ZNF385C: variants seen among roughly 807,000 people sequenced by gnomAD.
ZNF385C encodes the protein zinc finger protein 385C.
ZNF385C carries 28 observed loss-of-function variants against 35.4 expected under a neutral mutation model. The ratio of observed to expected loss-of-function variants is 0.79; its 90% CI spans 0.59 to 1.08. ZNF385C has a LOEUF of 1.08. ZNF385C is among the 50% of genes least tolerant of loss of function. The pLI is 0.00. For synonymous variants in ZNF385C, 248 were observed against 248.2 expected, an observed-to-expected ratio of 1.00 and a Z score of 0.01; for missense variants, 605 against 595.6, an observed-to-expected ratio of 1.02 and a Z score of -0.16.
chr17:42,029,731 CAAAAA>C (rs1301438790), intron 5 of ZNF385C, among the ~76,000 whole-genome samples: 3 of 150,018 alleles, frequency 2.0e-5, no homozygotes, highest in African/African-American at 7.4e-5. Context: ...AACAAACAAA[CAAAAA>C]AAACACAGTG....
intron 1 of ZNF385C, among the ~76,000 whole-genome samples, chr17:42,082,305 T>G (rs532757032): frequency 3.9e-5 from 6 of 152,358 alleles, no homozygotes; most frequent in African/African-American, 1.4e-4. Flanking sequence ...TCCAAAGTGC[T>G]GGGATTACAG....
chr17:42,028,673 G>A (rs1009792206), intron 6 of ZNF385C, 110 bp downstream of exon 6: 18 of 1,343,602 alleles, frequency 1.3e-5, no homozygotes, highest in Middle Eastern at 2.5e-4. Flanking sequence ...CAAAGCCTCC[G>A]CCATCCAACC....
chr17:42,035,908 G>A (rs2052845927), intron 3 of ZNF385C, among the ~76,000 whole-genome samples: 1 of 152,192 alleles, frequency 6.6e-6, no homozygotes, highest in South Asian at 2.1e-4. Context: ...TGGGGGGCCA[G>A]TAGGGGGCAG....
chr17:42,072,542 A>C (rs2053639745), intron 1 of ZNF385C, among the ~76,000 whole-genome samples: 1 of 152,008 alleles, frequency 6.6e-6, no homozygotes, highest in Non-Finnish European at 1.5e-5. Flanking sequence ...TGCGGGCCCG[A>C]GTCCGGCGCC....
chr17:42,096,365 T>C (rs1446931633), intron 1 of ZNF385C, among the ~76,000 whole-genome samples: 1 of 152,180 alleles, frequency 6.6e-6, no homozygotes, highest in Non-Finnish European at 1.5e-5. Context: ...TGGAGGGGAC[T>C]CACAGTCTCA....
chr17:42,041,608 T>C (rs777459667), intron 2 of ZNF385C, among the ~76,000 whole-genome samples: 2 of 152,190 alleles, frequency 1.3e-5, no homozygotes, highest in Non-Finnish European at 2.9e-5. Flanking sequence ...TGTTTTTCTA[T>C]AGCATCATCC....
At chr17:42,043,434 C>T in intron 2 of ZNF385C, 1 of 1,219,900 alleles carries the variant, frequency 8.2e-7, no homozygotes, top group Non-Finnish European at 1.0e-6. Flanking sequence ...GCCCCCCTGC[C>T]TCCCCCACAC....
intron 1 of ZNF385C, among the ~76,000 whole-genome samples, chr17:42,079,219 C>CACAT (rs2053720780): frequency 8.0e-6 from 1 of 125,198 alleles, no homozygotes; most frequent in Non-Finnish European, 1.6e-5. Flanking sequence ...TATATATATA[C>CACAT]ATATATATAT....
intron 1 of ZNF385C, among the ~76,000 whole-genome samples, chr17:42,084,429 C>G (rs1462799357): frequency 6.6e-6 from 1 of 151,928 alleles, no homozygotes; most frequent in Non-Finnish European, 1.5e-5. Flanking sequence ...ACATCTTTGG[C>G]AGGTTTCTCC....
chr17:42,052,001 C>T (rs1308030679), intron 2 of ZNF385C, among the ~76,000 whole-genome samples: 2 of 152,194 alleles, frequency 1.3e-5, no homozygotes, highest in Admixed American at 6.5e-5. Context: ...CCCCGAGTGG[C>T]ACCACACAGC....
chr17:42,029,006 C>A lies in ZNF385C; in HGVS notation c.744G>T (p.Glu248Asp). Residue 248 changes from glutamate to aspartate, a missense_variant, in exon 6 of 9, where the codon GAG (glutamate) becomes GAT (aspartate). Transcript: ENST00000692273. ...CATCCAAGAGCTCTGAGTGGGCTGG[C>A]TCCCTGCATGTAGGGTCTGGAGTTG... ...PPPTPDPTCREPAHSELLDAA... is the reference protein window; with the variant it reads ...PPPTPDPTCRDPAHSELLDAA... 6.4e-7 allele frequency: 1 copy of A among 1,550,484 alleles called. No individual in the cohort carries two copies.
At chr17:42,040,112 G>A in intron 2 of ZNF385C, 3 of 1,231,374 alleles carry the variant, frequency 2.4e-6, no homozygotes, top group Non-Finnish European at 3.0e-6. Context: ...AGCACCCGCA[G>A]CGCCCCCTCG....
At chr17:42,073,293 G>A (rs1238569095) in intron 1 of ZNF385C, among the ~76,000 whole-genome samples, 4 of 152,096 alleles carry the variant, frequency 2.6e-5, no homozygotes, top group Admixed American at 6.5e-5. Context: ...AAAATTAGCC[G>A]GGGGTAGTGG....
At chr17:42,056,893 T>C (rs2053384430) in intron 2 of ZNF385C, among the ~76,000 whole-genome samples, 2 of 152,154 alleles carry the variant, frequency 1.3e-5, no homozygotes. Flanking sequence ...CTTTCTTTTG[T>C]AAACTGCCCA....
chr17:42,091,676 C>A (rs1246553028), intron 1 of ZNF385C, among the ~76,000 whole-genome samples: 1 of 152,132 alleles, frequency 6.6e-6, no homozygotes, highest in East Asian at 1.9e-4. Flanking sequence ...TCTTGCAGAC[C>A]CAGAATAGCT....
In ZNF385C at chr17:42,027,018, C is replaced by T. The variant is rs782478332; in HGVS notation, c.1391G>A (p.Arg464His). 28 of 1,607,350 alleles carry T rather than the reference C, an allele frequency of 1.7e-5. No individual in the cohort carries two copies. Among genetic ancestry groups the T allele is most frequent in the East Asian group, 4.5e-5 (2 of 44,828 alleles). Residue 464 changes from arginine (R) to histidine (H), a missense_variant, in exon 9 of 9, where the codon CGC becomes CAC. Coordinates refer to ENST00000692273, the MANE Select transcript of ZNF385C (RefSeq NM_001392013.1). ...ICALPGPLAL[R>H]PAPTAATTLF... is the part of the protein sequence containing the mutation. ...GGTAGTGGCTGCTGTAGGGGCAGGGCGGAGGGCCAGGGGCCCTGGCAGAGC... is the reference window on the plus strand; with the variant it reads ...GGTAGTGGCTGCTGTAGGGGCAGGGTGGAGGGCCAGGGGCCCTGGCAGAGC...
intron 2 of ZNF385C, chr17:42,040,041 A>T (rs1393283773): frequency 8.1e-7 from 1 of 1,230,976 alleles, no homozygotes; most frequent in African/African-American, 1.6e-5. Context: ...CTACGCGCTT[A>T]AACAGCGCGA....
At position 42,025,751 on chromosome 17, in the gene ZNF385C, G is replaced by T. The variant is rs1277183325; in HGVS notation, c.*1146C>A. 6.6e-6 allele frequency: 1 copy of T among 152,438 alleles called. No individual in the cohort carries two copies. Among genetic ancestry groups the T allele is most frequent in the Non-Finnish European group, 1.5e-5 (1 of 68,032 alleles). The allele number at this position is 152,438 out of a possible 1,614,324, so 9.4% of individuals were successfully genotyped here. A position where few individuals can be genotyped will look rare whatever the true frequency, so the allele number is the denominator to read the frequency against. ...GGGTCCCATATTGTGGGGTGGGGAGGGGGCAGTGCTGCAGTGGAAAGGAGT... is the reference window on the plus strand; with the variant it reads ...GGGTCCCATATTGTGGGGTGGGGAGTGGGCAGTGCTGCAGTGGAAAGGAGT... On this transcript the variant is annotated 3_prime_UTR_variant, in exon 9 of 9. Coordinates refer to ENST00000692273, the MANE Select transcript of ZNF385C (RefSeq NM_001392013.1).
chr17:42,076,473 T>A (rs1555659271), intron 1 of ZNF385C, among the ~76,000 whole-genome samples: 1 of 152,008 alleles, frequency 6.6e-6, no homozygotes, highest in African/African-American at 2.4e-5. Context: ...TACAAAAAAA[T>A]TAGCTGGGCG....
Sources: allele counts gnomAD v4.1 joint callset (sites outside exome capture counted in the v4.1 genomes callset), GRCh38; gene constraint gnomAD v4.1.1; transcripts MANE v1.5; gene names NCBI Gene and HGNC (gene_info 2026-07-23, HGNC 2026-07-21).